The following LPCAT1 variants were observed in gnomAD, a reference collection of about 807,000 sequenced individuals.
LPCAT1 encodes the protein 1-acylglycerol-3-phosphate O-acyltransferase.
A neutral mutation model predicts 60.9 loss-of-function variants in LPCAT1; 23 were observed. That is an observed-to-expected ratio of 0.38 (90% CI 0.27 to 0.53). The LOEUF is 0.53. Ranked by LOEUF, LPCAT1 falls within the 20% of genes least tolerant of loss-of-function variation. LPCAT1 has a pLI of 0.82. For synonymous variants in LPCAT1, 340 were observed against 301.1 expected (o/e 1.13, Z -1.34); for missense variants, 622 against 723.6 (o/e 0.86, Z 1.61).
At chr5:1,509,145 C>A (rs1736277344) in intron 1 of LPCAT1, among the ~76,000 whole-genome samples, 1 of 152,260 alleles carries the variant, frequency 6.6e-6, no homozygotes, top group Non-Finnish European at 1.5e-5. Context: ...GGGGAGGCTG[C>A]CCAAAGGATG....
Position 1,463,612 on chromosome 5 carries a change from C to G in LPCAT1, c.*39G>C, listed in dbSNP as rs781189243. ...GCAAAGAGGCTCATGGCGGTGATGT[C>G]CACGCGGGAGGGGCCGCGTCTCTCC... On this transcript the variant is annotated 3_prime_UTR_variant, in exon 14 of 14. Transcript: ENST00000283415. The G allele has an allele frequency of 1.9e-6, 3 of 1,604,694 alleles. No individual in the cohort carries two copies. The East Asian group carries it at 6.7e-5, about 36-fold the overall frequency.
Position 1,481,709 on chromosome 5 carries a change from CT to C in LPCAT1, c.727-734del, listed in dbSNP as rs1491121714. ...TCGGAGTCTGTTGTCCTCGGGTTGA[CT>C]TTTTTGCCCACAGGAGTTGCACTGG... is the stretch of plus-strand genomic sequence containing the variant. On this transcript the variant is annotated intron_variant, in intron 6 of 13. Transcript: ENST00000283415. The surrounding 1 kb of genome is among the most constrained non-coding windows in gnomAD (Gnocchi z 7.8). Among the ~76,000 whole-genome samples, 2 of 152,264 alleles carry C rather than the reference CT, an allele frequency of 1.3e-5. No homozygotes were observed. Among genetic ancestry groups the C allele is most frequent in the South Asian group, 4.1e-4 (2 of 4,830 alleles).
At chr5:1,485,424 G>C (rs1735334326) in intron 5 of LPCAT1, among the ~76,000 whole-genome samples, 1 of 152,220 alleles carries the variant, frequency 6.6e-6, no homozygotes, top group Non-Finnish European at 1.5e-5. Context: ...GAGGCAGTCA[G>C]AGCCCAGGGC....
intron 5 of LPCAT1, among the ~76,000 whole-genome samples, chr5:1,485,015 C>T (rs973925291): frequency 3.3e-5 from 5 of 151,040 alleles, no homozygotes; most frequent in African/African-American, 1.2e-4. Context: ...GTCCCAGCCC[C>T]TGAGACACGC....
At chr5:1,504,295 T>C (rs1736114645) in intron 1 of LPCAT1, among the ~76,000 whole-genome samples, 1 of 152,196 alleles carries the variant, frequency 6.6e-6, no homozygotes, top group Non-Finnish European at 1.5e-5. Context: ...TCATATTTTG[T>C]TGCAGTGGAG....
At position 1,477,088 on chromosome 5, in the gene LPCAT1, T is replaced by G. The variant is rs577496555; in HGVS notation, c.899+316A>C. On this transcript the variant is annotated intron_variant, in intron 9 of 13. Transcript: ENST00000283415. The surrounding 1 kb of genome is among the most constrained non-coding windows in gnomAD (Gnocchi z 6.0). ...TGGAGGCCGCCGCACAGATGTGAAG[T>G]TGGCCCAGGCCAGCGCCCCGCTGGC... Among the ~76,000 whole-genome samples the G allele has an allele frequency of 6.6e-6, 1 of 152,282 alleles. No homozygotes were observed. Among genetic ancestry groups the G allele is most frequent in the East Asian group, 1.9e-4 (1 of 5,172 alleles).
rs375069925 is a variant in LPCAT1, at chr5:1,462,331, C to G, written c.*1320G>C. On this transcript the variant is annotated 3_prime_UTR_variant, in exon 14 of 14. Transcript: ENST00000283415. ...AATTCTGTCATAAAAAATGATGAAACAAGGTGATGTCAGAGGGACTTCAGG... is the reference window on the plus strand; with the variant it reads ...AATTCTGTCATAAAAAATGATGAAAGAAGGTGATGTCAGAGGGACTTCAGG... The G allele has an allele frequency of 3.3e-5, 5 of 152,594 alleles. No homozygotes were observed. The East Asian group carries it at 7.7e-4, about 24-fold the overall frequency. The allele number at this position is 152,594 out of a possible 1,614,324, so 9.5% of individuals were successfully genotyped here. A position where few individuals can be genotyped will look rare whatever the true frequency, so the allele number is the denominator to read the frequency against.
In LPCAT1 at chr5:1,494,828, G is replaced by A. The variant is rs1735721977; in HGVS notation, c.365C>T (p.Ala122Val). Residue 122 changes from alanine (A) to valine (V), a missense_variant, in exon 3 of 14, where the codon GCG (alanine) becomes GTG (valine). This residue lies in a region of LPCAT1 where 209 missense variants were observed against 325.5 expected (regional missense o/e 0.64). Coordinates refer to ENST00000283415, the MANE Select transcript of LPCAT1 (RefSeq NM_024830.5). The stretch of plus-strand genomic sequence containing the variant: ...GAGGATGGCCGCCTCGGTGGGCAGC[G>A]CCTGCCGCCCCTTCACGGCCACCCG... ...FHRVAVKGRQ[A>V]LPTEAAILTL... is the part of the protein sequence containing the mutation. 2.5e-6 allele frequency: 4 copies of A among 1,613,362 alleles called. No homozygotes were observed. Among genetic ancestry groups the A allele is most frequent in the Admixed American group, 1.7e-5 (1 of 59,978 alleles).
chr5:1,511,442 ACG>A (rs1434511092), intron 1 of LPCAT1, among the ~76,000 whole-genome samples: 5 of 150,796 alleles, frequency 3.3e-5, no homozygotes, highest in Admixed American at 6.6e-5. Flanking sequence ...CGCTCACCCT[ACG>A]TGGGGACGTC....
chr5:1,488,475 A>G (rs1185907394), intron 4 of LPCAT1, 24 bp from the exon 5 acceptor site: 2 of 1,509,610 alleles, frequency 1.3e-6, no homozygotes, highest in Non-Finnish European at 1.8e-6. Context: ...AAAGAAAAGG[A>G]TCAGCATTAA....
In LPCAT1 at chr5:1,463,755, A is replaced by G; in HGVS notation, c.1501T>C (p.Cys501Arg). Reference protein sequence around the residue: ...LYPDQTHFESCAETSPAPIPN... With the variant: ...LYPDQTHFESRAETSPAPIPN... ...ATTGGCGCAGGTGAGGTCTCTGCAC[A>G]GCTTTCGAAATGTGTCTGATCCGGG... Residue 501 changes from cysteine to arginine, a missense_variant, in exon 14 of 14, where the codon TGT becomes CGT. Coordinates refer to ENST00000283415, the MANE Select transcript of LPCAT1 (RefSeq NM_024830.5). 6 of 1,614,260 alleles carry G rather than the reference A, an allele frequency of 3.7e-6. No individual in the cohort carries two copies. The highest frequency in any genetic ancestry group is 5.1e-6 in the Non-Finnish European group (6 of 1,180,044).
intron 3 of LPCAT1, among the ~76,000 whole-genome samples, chr5:1,490,451 CA>C (rs1389232717): frequency 6.6e-6 from 1 of 152,148 alleles, no homozygotes; most frequent in Non-Finnish European, 1.5e-5. Context: ...GAGAGAAGGC[CA>C]ATGATGAAGG....
rs1416320060 is a variant in LPCAT1, at chr5:1,488,470, A to C, written c.607-19T>G. The C allele has an allele frequency of 6.5e-7, 1 of 1,543,188 alleles. No homozygotes were observed. On this transcript the variant is annotated intron_variant, in intron 4 of 13. Coordinates refer to ENST00000283415, the MANE Select transcript of LPCAT1 (RefSeq NM_024830.5). The stretch of plus-strand genomic sequence containing the variant: ...TCATTATCTGGAAGTGGGAGAAAGA[A>C]AAGGATCAGCATTAAACTGTACATA...
chr5:1,520,618 T>C (rs966805897), intron 1 of LPCAT1, among the ~76,000 whole-genome samples: 3 of 151,856 alleles, frequency 2.0e-5, no homozygotes, highest in Non-Finnish European at 4.4e-5. Flanking sequence ...CCCAGCACTT[T>C]GGGAGGCCGA....
intron 8 of LPCAT1, among the ~76,000 whole-genome samples, chr5:1,478,345 G>A (rs868193157): frequency 5.3e-5 from 8 of 152,236 alleles, no homozygotes; most frequent in Admixed American, 2.6e-4. Flanking sequence ...TAAAACTTCC[G>A]TAAACTGCCA....
At position 1,488,437 on chromosome 5, in the gene LPCAT1, T is replaced by C. The variant is rs1314565043; in HGVS notation, c.621A>G (p.Pro207=). 3 of 1,600,744 alleles carry C rather than the reference T, an allele frequency of 1.9e-6. No homozygotes were observed. Among genetic ancestry groups the C allele is most frequent in the Non-Finnish European group, 2.6e-6 (3 of 1,173,240 alleles). ...NGKWPQIMIF[P]EGTCTNRTCL... is the part of the protein sequence containing the mutation. ...AGGTCCTGTTTGTACAAGTTCCTTC[T>C]GGAAAAATCATTATCTGGAAGTGGG... Residue 207 remains proline, a synonymous_variant, in exon 5 of 14, where the codon CCA becomes CCG. Transcript: ENST00000283415.
chr5:1,523,930 C>G lies in LPCAT1; in HGVS notation c.-86G>C, dbSNP rs1298614225. On this transcript the variant is annotated 5_prime_UTR_variant, in exon 1 of 14. Coordinates refer to ENST00000283415, the MANE Select transcript of LPCAT1 (RefSeq NM_024830.5). This position sits in a 1 kb window ranked among gnomAD's most constrained non-coding sequence, Gnocchi z 7.1. ...CTAGCTGGGCGCGGGTCTCGGGGCGCGGGCCGAGGATGCGCGGCGGCTGGA... is the reference window on the plus strand; with the variant it reads ...CTAGCTGGGCGCGGGTCTCGGGGCGGGGGCCGAGGATGCGCGGCGGCTGGA... The G allele has an allele frequency of 6.5e-6, 6 of 928,554 alleles. No homozygotes were observed. Among genetic ancestry groups the G allele is most frequent in the Non-Finnish European group, 7.7e-6 (6 of 776,524 alleles). The allele number at this position is 928,554 out of a possible 1,614,324, so 57.5% of individuals were successfully genotyped here.
chr5:1,463,864 G>A (rs765190903), intron 13 of LPCAT1, 29 bp from the exon 14 acceptor site: 36 of 1,609,196 alleles, frequency 2.2e-5, no homozygotes, highest in Non-Finnish European at 3.0e-5. Flanking sequence ...CTGTGGTTAT[G>A]GAATGGGGAC....
At position 1,481,323 on chromosome 5, in the gene LPCAT1, C is replaced by T. The variant is rs1300962759; in HGVS notation, c.727-347G>A. On this transcript the variant is annotated intron_variant, in intron 6 of 13. Coordinates refer to ENST00000283415, the MANE Select transcript of LPCAT1 (RefSeq NM_024830.5). The surrounding 1 kb of genome is among the most constrained non-coding windows in gnomAD (Gnocchi z 7.8). ...CTGGGAAAAGGGTCCTCCCTCCCTC[C>T]ATGCTCTCCGCTTTCCTCACAGACC... is the stretch of plus-strand genomic sequence containing the variant. 6.6e-6 allele frequency among the ~76,000 whole-genome samples: 1 copy of T among 152,242 alleles called. No homozygotes were observed. Among genetic ancestry groups the T allele is most frequent in the Non-Finnish European group, 1.5e-5 (1 of 68,042 alleles).
Sources: gnomAD v4.1 joint callset for allele counts (sites outside exome capture counted in the v4.1 genomes callset) on GRCh38, gnomAD v4.1.1 for gene constraint, gnomAD v4.1.1 regional missense constraint, Gnocchi (gnomAD v3.1) non-coding constraint, MANE v1.5 for transcripts, NCBI Gene and HGNC (gene_info 2026-07-23, HGNC 2026-07-21) for gene names.